SLIT3: variants seen among roughly 807,000 people sequenced by gnomAD.
SLIT3 encodes the protein slit guidance ligand 3.
Under a neutral mutation model 184.0 loss-of-function variants are expected in SLIT3, and 68 were observed. The ratio of observed to expected loss-of-function variants is 0.37; its 90% confidence interval spans 0.30 to 0.45. The LOEUF (loss-of-function observed/expected upper bound fraction) is 0.45. Among genes scored for constraint, SLIT3 ranks in the 20% least tolerant of loss-of-function variants. The probability of loss-of-function intolerance (pLI) is 1.00; values close to 1 mark genes in which losing one functional copy is unlikely to be tolerated. For missense variants in SLIT3, 1,707 were observed against 2,026.0 expected, an observed-to-expected ratio of 0.84 and a Z score of 3.02; for synonymous variants, 831 against 828.6, an observed-to-expected ratio of 1.00 and a Z score of -0.05.
chr5:168,715,108 G>T lies in SLIT3; in HGVS notation c.2484-2754C>A, dbSNP rs559918378. On this transcript the variant is annotated intron_variant, in intron 23 of 35. Transcript: ENST00000519560. Reference sequence around the variant, plus strand: ...TAAGCTATTCCCAGGTGATCTGGGGGTTAAGAACCCAAGGCTCTGGAGTCA... The same window carrying T: ...TAAGCTATTCCCAGGTGATCTGGGGTTTAAGAACCCAAGGCTCTGGAGTCA... Among the ~76,000 whole-genome samples, 3 of 152,316 alleles carry T rather than the reference G, an allele frequency of 2.0e-5. No individual in the cohort carries two copies. In the South Asian group the frequency reaches 6.2e-4, roughly 32 times the overall value.
chr5:169,082,433 G>C (rs778052275), intron 4 of SLIT3, among the ~76,000 whole-genome samples: 14 of 152,274 alleles, frequency 9.2e-5, no homozygotes, highest in Middle Eastern at 3.4e-3. Context: ...TAATGAGATA[G>C]CTTCTTTAAA....
chr5:169,057,070 T>C (rs1270841711), intron 4 of SLIT3, among the ~76,000 whole-genome samples: 1 of 152,238 alleles, frequency 6.6e-6, no homozygotes, highest in Non-Finnish European at 1.5e-5. Context: ...CTTTTTGTGG[T>C]AAGCAAGATC....
At chr5:169,071,298 C>A (rs1758536521) in intron 4 of SLIT3, among the ~76,000 whole-genome samples, 2 of 152,218 alleles carry the variant, frequency 1.3e-5, no homozygotes. Flanking sequence ...GCTTGTTTTT[C>A]TTCTTCTTTA....
At chr5:168,863,335 T>C (rs552852059) in intron 5 of SLIT3, among the ~76,000 whole-genome samples, 1 of 152,372 alleles carries the variant, frequency 6.6e-6, no homozygotes, top group African/African-American at 2.4e-5. Flanking sequence ...GCCAGTGATC[T>C]AATTGACATT....
At chr5:168,673,052 G>T (rs1761301662) in intron 33 of SLIT3, 125 bp downstream of exon 33, 7 of 857,462 alleles carry the variant, frequency 8.2e-6, no homozygotes, top group Non-Finnish European at 1.1e-5. Flanking sequence ...ACCTTTTAGA[G>T]ATCAGCTTCG....
At chr5:168,973,312 A>G (rs1315593552) in intron 4 of SLIT3, among the ~76,000 whole-genome samples, 1 of 152,160 alleles carries the variant, frequency 6.6e-6, no homozygotes, top group Non-Finnish European at 1.5e-5. Context: ...CAGTGGTGCT[A>G]TCTCGGCTCA....
At chr5:169,057,893 G>A (rs184397170) in intron 4 of SLIT3, among the ~76,000 whole-genome samples, 1 of 152,212 alleles carries the variant, frequency 6.6e-6, no homozygotes, top group Non-Finnish European at 1.5e-5. Context: ...AAAAGACACA[G>A]CTTTCTTTTA....
intron 4 of SLIT3, among the ~76,000 whole-genome samples, chr5:169,011,881 T>C (rs922991447): frequency 6.6e-6 from 1 of 152,002 alleles, no homozygotes; most frequent in Non-Finnish European, 1.5e-5. Context: ...CTGCCCACTT[T>C]GATAAAAATA....
chr5:169,029,636 G>A (rs77567463), intron 4 of SLIT3, among the ~76,000 whole-genome samples: 123 of 152,192 alleles, frequency 8.1e-4, no homozygotes, highest in African/African-American at 2.8e-3. Flanking sequence ...ACTGGAACTC[G>A]ATTAGTAACT....
chr5:168,761,016 C>CTGCCTGAACCTCACCGA, intron 15 of SLIT3, 80 bp from the exon 16 acceptor site: 1 of 1,021,038 alleles, frequency 9.8e-7, no homozygotes, highest in Non-Finnish European at 1.6e-6. Flanking sequence ...TGCTGCATTG[C>CTGCCTGAACCTCACCGA]TGCCTGAACC....
intron 4 of SLIT3, among the ~76,000 whole-genome samples, chr5:169,130,579 G>A (rs139532379): frequency 1.3e-5 from 2 of 152,284 alleles, no homozygotes; most frequent in East Asian, 3.9e-4. Flanking sequence ...TTCATTTACT[G>A]CTGTATCCTC....
chr5:168,785,356 G>A (rs1756117452), intron 12 of SLIT3, among the ~76,000 whole-genome samples: 1 of 152,186 alleles, frequency 6.6e-6, no homozygotes, highest in Non-Finnish European at 1.5e-5. Context: ...TAATCCCTGA[G>A]CTTAAAATTC....
At chr5:169,213,666 T>C (rs1239623734) in intron 3 of SLIT3, among the ~76,000 whole-genome samples, 2 of 152,226 alleles carry the variant, frequency 1.3e-5, no homozygotes, top group East Asian at 3.9e-4. Flanking sequence ...TTTTTCCAAG[T>C]GATGATCTGA....
intron 13 of SLIT3, 108 bp downstream of exon 13, chr5:168,774,127 C>A (rs893533739): frequency 4.6e-6 from 5 of 1,096,248 alleles, no homozygotes; most frequent in Non-Finnish European, 6.6e-6. Flanking sequence ...GGCTCTAGAA[C>A]TCCTCCTGGA....
At chr5:168,686,267 A>G (rs922719721) in intron 30 of SLIT3, among the ~76,000 whole-genome samples, 7 of 152,192 alleles carry the variant, frequency 4.6e-5, no homozygotes, top group African/African-American at 1.4e-4. Flanking sequence ...GTTGGACTAG[A>G]GTAGAGGTCC....
intron 3 of SLIT3, among the ~76,000 whole-genome samples, chr5:169,235,704 T>TA (rs995369607): frequency 5.9e-5 from 9 of 152,252 alleles, no homozygotes; most frequent in African/African-American, 2.2e-4. Flanking sequence ...TTCATGACCT[T>TA]AACAGTTTTG....
intron 4 of SLIT3, among the ~76,000 whole-genome samples, chr5:168,985,837 T>TGGG (rs1232046074): frequency 4.0e-5 from 6 of 151,536 alleles, no homozygotes; most frequent in African/African-American, 1.5e-4. Context: ...GGAGGGATGA[T>TGGG]GGCGGGGGGT....
chr5:169,165,903 C>T (rs1762624151), intron 4 of SLIT3, among the ~76,000 whole-genome samples: 1 of 152,210 alleles, frequency 6.6e-6, no homozygotes, highest in Admixed American at 6.5e-5. Flanking sequence ...ATGTCCCCAG[C>T]ACCTAGAATG....
At position 168,746,617 on chromosome 5, in the gene SLIT3, A is replaced by G. The variant is rs1438698054; in HGVS notation, c.2270+1685T>C. ...GTGTGGTGGTGTGGGTGTGGTGTGTAGTATGGTGGTGTGGTGGTGTGTAGT... is the reference window on the plus strand; with the variant it reads ...GTGTGGTGGTGTGGGTGTGGTGTGTGGTATGGTGGTGTGGTGGTGTGTAGT... On this transcript the variant is annotated intron_variant, in intron 20 of 35. Coordinates refer to ENST00000519560, the MANE Select transcript of SLIT3 (RefSeq NM_003062.4). Among the ~76,000 whole-genome samples, 12 of 23,562 alleles carry G rather than the reference A, an allele frequency of 5.1e-4. 1 individual carries two copies. The highest frequency in any genetic ancestry group is 9.1e-4 in the African/African-American group (5 of 5,494). The allele number at this position is 23,562 out of a possible 152,430, so 15.5% of individuals were successfully genotyped here. A position where few individuals can be genotyped will look rare whatever the true frequency, so the allele number is the denominator to read the frequency against.
Sources: allele counts gnomAD v4.1 joint callset (sites outside exome capture counted in the v4.1 genomes callset), GRCh38; gene constraint gnomAD v4.1.1; transcripts MANE v1.5; gene names NCBI Gene and HGNC (gene_info 2026-07-23, HGNC 2026-07-21).